TEK: variants seen among roughly 807,000 people sequenced by gnomAD.
The protein encoded by TEK is TEK receptor tyrosine kinase.
Under a neutral mutation model 131.8 loss-of-function variants are expected in TEK, and 43 were observed. The observed-to-expected ratio is 0.33, with a 90% CI of 0.26 to 0.42. The LOEUF (loss-of-function observed/expected upper bound fraction) is 0.42, where lower values mean the gene tolerates loss of function less well. Ranked by LOEUF, TEK falls within the 10% of genes least tolerant of loss-of-function variation. TEK has a pLI of 1.00. For missense variants in TEK, 1,162 were observed against 1,384.4 expected (o/e 0.84, Z 2.55); for synonymous variants, 580 against 491.6 (o/e 1.18, Z -2.38).
chr9:27,109,466 T>A lies in TEK; in HGVS notation c.-125T>A. 1.0e-6 allele frequency: 1 copy of A among 975,336 alleles called. No homozygotes were observed. Among genetic ancestry groups the A allele is most frequent in the Non-Finnish European group, 1.7e-6 (1 of 599,662 alleles). 60.4% of individuals were successfully genotyped at this position (975,336 alleles called of 1,614,324 possible). ...TGCTTCTGTGCTGTTCCTTCTTGCC[T>A]CTAACTTGTAAACAAGACGTAGTAG... On this transcript the variant is annotated 5_prime_UTR_variant, in exon 1 of 23. Transcript: ENST00000380036.
chr9:27,113,339 A>G (rs1450781667), intron 1 of TEK, among the ~76,000 whole-genome samples: 1 of 152,146 alleles, frequency 6.6e-6, no homozygotes, highest in Non-Finnish European at 1.5e-5. Context: ...CACCTGTAAT[A>G]CAGCACTTTG....
In TEK at chr9:27,151,993, C is replaced by T. The variant is rs538814837; in HGVS notation, c.53-5838C>T. Among the ~76,000 whole-genome samples, 5 of 152,312 alleles carry T rather than the reference C, an allele frequency of 3.3e-5. No homozygotes were observed. In the South Asian group the frequency reaches 8.3e-4, roughly 25 times the overall value. ...CTTAATTCCAGAAATGCTTTTGACT[C>T]AGACCTTTTCAGTTCATTGCCAGTT... On this transcript the variant is annotated intron_variant, in intron 1 of 22. Transcript: ENST00000380036.
At chr9:27,136,568 T>G (rs1822450078) in intron 1 of TEK, among the ~76,000 whole-genome samples, 1 of 152,138 alleles carries the variant, frequency 6.6e-6, no homozygotes, top group African/African-American at 2.4e-5. Flanking sequence ...CAGGTACAGA[T>G]GGACATACAG....
At chr9:27,125,831 ATGT>A (rs1821966136) in intron 1 of TEK, among the ~76,000 whole-genome samples, 1 of 151,924 alleles carries the variant, frequency 6.6e-6, no homozygotes, top group Non-Finnish European at 1.5e-5. Context: ...ATCTGTATAA[ATGT>A]TGTTCCATTC....
intron 6 of TEK, among the ~76,000 whole-genome samples, chr9:27,175,041 G>A (rs1824110731): frequency 6.7e-6 from 1 of 149,750 alleles, no homozygotes; most frequent in African/African-American, 2.5e-5. Context: ...CAATGTGCAG[G>A]TTAGTTACAT....
At chr9:27,122,902 A>T (rs1320732308) in intron 1 of TEK, among the ~76,000 whole-genome samples, 6 of 151,588 alleles carry the variant, frequency 4.0e-5, no homozygotes. Context: ...AAATACAAAA[A>T]ATTAGCCAGG....
chr9:27,160,674 CA>C (rs1412463333), intron 2 of TEK, among the ~76,000 whole-genome samples: 1 of 152,150 alleles, frequency 6.6e-6, no homozygotes, highest in African/African-American at 2.4e-5. Flanking sequence ...TTGAAGGCAG[CA>C]AACTCATTTT....
At chr9:27,174,041 T>G (rs886935473) in intron 6 of TEK, among the ~76,000 whole-genome samples, 2 of 152,168 alleles carry the variant, frequency 1.3e-5, no homozygotes, top group African/African-American at 4.8e-5. Flanking sequence ...CAAGTAGTAC[T>G]AACATCATCT....
chr9:27,167,442 C>T (rs1440630268), intron 2 of TEK, among the ~76,000 whole-genome samples: 1 of 151,912 alleles, frequency 6.6e-6, no homozygotes, highest in Admixed American at 6.6e-5. Context: ...TGGCCAGGCT[C>T]GTCTCGAACT....
At chr9:27,199,347 A>G (rs1825137643) in intron 12 of TEK, among the ~76,000 whole-genome samples, 1 of 152,130 alleles carries the variant, frequency 6.6e-6, no homozygotes, top group Non-Finnish European at 1.5e-5. Flanking sequence ...ATTCTTATGC[A>G]TGTCTCCATG....
At position 27,183,485 on chromosome 9, in the gene TEK, G is replaced by A; in HGVS notation, c.1057G>A (p.Val353Met). The A allele has an allele frequency of 1.2e-6, 2 of 1,613,870 alleles. No individual in the cohort carries two copies. The highest frequency in any genetic ancestry group is 1.7e-6 in the Non-Finnish European group (2 of 1,179,818). Residue 353 changes from valine to methionine, a missense_variant, in exon 8 of 23, where the codon GTG becomes ATG. This residue lies in a region of TEK where 436 missense variants were observed against 539.1 expected (regional missense o/e 0.81). Transcript: ENST00000380036. ...CATACAGAGGATGACCCCAAAGATA[G>A]TGGATTTGCCAGATCATATAGAAGT... Reference protein sequence around the residue: ...EGIQRMTPKIVDLPDHIEVNS... With the variant: ...EGIQRMTPKIMDLPDHIEVNS...
chr9:27,163,077 A>G (rs1823603838), intron 2 of TEK, among the ~76,000 whole-genome samples: 1 of 152,218 alleles, frequency 6.6e-6, no homozygotes, highest in Admixed American at 6.5e-5. Flanking sequence ...TATGCCTGAC[A>G]TTCCCCTAGC....
intron 1 of TEK, among the ~76,000 whole-genome samples, chr9:27,118,271 GTAT>G (rs1375151583): frequency 3.9e-5 from 6 of 152,192 alleles, no homozygotes; most frequent in East Asian, 1.9e-4. Context: ...TACACTATAG[GTAT>G]TATTATTTTT....
In TEK at chr9:27,173,075, C is replaced by G. The variant is rs1824024673; in HGVS notation, c.761-147C>G. ...CAGTTTCATTATCAGTAAAATGGGC[C>G]ATAAGGGTATGTTCATCCTACCATG... On this transcript the variant is annotated intron_variant, in intron 5 of 22. Coordinates refer to ENST00000380036, the MANE Select transcript of TEK (RefSeq NM_000459.5). 5 of 1,018,090 alleles carry G rather than the reference C, an allele frequency of 4.9e-6. No homozygotes were observed. The South Asian group carries it at 7.0e-5, about 14-fold the overall frequency. The allele number at this position is 1,018,090 out of a possible 1,614,324, so 63.1% of individuals were successfully genotyped here.
intron 1 of TEK, among the ~76,000 whole-genome samples, chr9:27,156,247 A>C (rs539013980): frequency 6.6e-6 from 1 of 152,270 alleles, no homozygotes; most frequent in East Asian, 1.9e-4. Flanking sequence ...TAAGTCCTCT[A>C]TATGTTGAGA....
chr9:27,215,657 G>T (rs569875712), intron 18 of TEK, among the ~76,000 whole-genome samples: 1 of 151,298 alleles, frequency 6.6e-6, no homozygotes, highest in East Asian at 1.9e-4. Context: ...CACTATCATA[G>T]ATTAATATAT....
chr9:27,153,174 G>A (rs1250954486), intron 1 of TEK, among the ~76,000 whole-genome samples: 1 of 152,158 alleles, frequency 6.6e-6, no homozygotes, highest in Non-Finnish European at 1.5e-5. Flanking sequence ...TTGAGGCTGG[G>A]CGCATGGCTC....
chr9:27,229,082 A>G (rs1008694757), intron 22 of TEK, 76 bp from the exon 23 acceptor site: 3 of 1,334,294 alleles, frequency 2.2e-6, no homozygotes, highest in Non-Finnish European at 3.2e-6. Flanking sequence ...AAGAAAACCA[A>G]GGTATTGCTG....
chr9:27,191,447 AT>A (rs1268919803), intron 10 of TEK, among the ~76,000 whole-genome samples: 1 of 152,182 alleles, frequency 6.6e-6, no homozygotes, highest in Admixed American at 6.5e-5. Context: ...TGCTGCTTCA[AT>A]TGGACTATTC....
Sources: allele counts gnomAD v4.1 joint callset (sites outside exome capture counted in the v4.1 genomes callset), GRCh38; gene constraint gnomAD v4.1.1; regional missense constraint gnomAD v4.1.1; transcripts MANE v1.5; gene names NCBI Gene and HGNC (gene_info 2026-07-23, HGNC 2026-07-21).